The following FUT8 variants were observed in gnomAD, a reference collection of about 807,000 sequenced individuals.
The protein encoded by FUT8 is fucosyltransferase 8.
In FUT8, 29 loss-of-function variants were observed where a neutral mutation model predicts 71.3. The observed-to-expected ratio is 0.41, with a 90% CI of 0.30 to 0.55. The LOEUF (loss-of-function observed/expected upper bound fraction) is 0.55. FUT8 is among the 20% of genes least tolerant of loss of function. FUT8 has a pLI of 0.34. For missense variants in FUT8, 544 were observed against 702.1 expected (o/e 0.77, Z 2.55); for synonymous variants, 254 against 239.3 (o/e 1.06, Z -0.57).
chr14:65,557,612 T>A (rs943359570), intron 2 of FUT8, among the ~76,000 whole-genome samples: 2 of 151,154 alleles, frequency 1.3e-5, no homozygotes, highest in Non-Finnish European at 2.9e-5. Flanking sequence ...ATTACAGGTG[T>A]GAGTCACTGT....
chr14:65,658,325 C>G (rs1891792154), intron 6 of FUT8, among the ~76,000 whole-genome samples: 1 of 152,118 alleles, frequency 6.6e-6, no homozygotes, highest in South Asian at 2.1e-4. Flanking sequence ...CCAGCTCTTT[C>G]ATGCATTGCT....
chr14:65,441,809 TTA>T (rs1566749545), intron 1 of FUT8, among the ~76,000 whole-genome samples: 3 of 151,466 alleles, frequency 2.0e-5, no homozygotes, highest in Non-Finnish European at 2.9e-5. Context: ...TTTTTTTTTT[TTA>T]ATTATACTTT....
Position 65,562,250 on chromosome 14 carries a change from T to C in FUT8, c.203+484T>C, listed in dbSNP as rs3783710. Among the ~76,000 whole-genome samples the C allele has an allele frequency of 8.5e-4, 129 of 152,272 alleles. 2 individuals carry two copies. In the East Asian group the frequency reaches 0.023, roughly 27 times the overall value. ...AGTTATGTATTTAAAAAAATTGATA[T>C]ATTAAATCCAAACTATGTTTTAAAC... On this transcript the variant is annotated intron_variant, in intron 3 of 10. Coordinates refer to ENST00000673929, the MANE Select transcript of FUT8 (RefSeq NM_001371533.1).
intron 7 of FUT8, among the ~76,000 whole-genome samples, chr14:65,677,151 T>TGTGTGCGCGCGCGC: frequency 9.0e-5 from 10 of 110,740 alleles, no homozygotes; most frequent in Admixed American, 1.8e-4. Context: ...TGTGTGTGTG[T>TGTGTGCGCGCGCGC]GCGCGCGCGC....
At chr14:65,732,594 A>C (rs1378275963) in intron 9 of FUT8, among the ~76,000 whole-genome samples, 2 of 152,216 alleles carry the variant, frequency 1.3e-5, no homozygotes, top group Admixed American at 1.3e-4. Flanking sequence ...GACTACCAAA[A>C]TATTACTTGG....
In FUT8 at chr14:65,595,601, T is replaced by TC; in HGVS notation, c.204-20376dup. The stretch of plus-strand genomic sequence containing the variant: ...TGACGATTTATCTTCTACACCATTC[T>TC]CTTTTTTTTTTTTTTTTTTTTTTTT... On this transcript the variant is annotated intron_variant, in intron 3 of 10. Transcript: ENST00000673929. 8.8e-5 allele frequency among the ~76,000 whole-genome samples: 11 copies of TC among 125,256 alleles called. No homozygotes were observed. In the South Asian group the frequency reaches 3.1e-3, roughly 35 times the overall value. The allele number at this position is 125,256 out of a possible 152,430, so 82.2% of individuals were successfully genotyped here. A position where few individuals can be genotyped will look rare whatever the true frequency, so the allele number is the denominator to read the frequency against.
chr14:65,656,388 A>G (rs1891683782), intron 6 of FUT8, among the ~76,000 whole-genome samples: 1 of 152,214 alleles, frequency 6.6e-6, no homozygotes, highest in Non-Finnish European at 1.5e-5. Flanking sequence ...CTCATTTGCA[A>G]TAGCTACAAA....
chr14:65,577,714 T>C (rs528135977), intron 3 of FUT8, among the ~76,000 whole-genome samples: 1 of 152,302 alleles, frequency 6.6e-6, no homozygotes, highest in Non-Finnish European at 1.5e-5. Context: ...GATAAATCAC[T>C]TAACCTCTTT....
chr14:65,365,564 G>A, the FUT8 span, among the ~76,000 whole-genome samples: 2 of 110,096 alleles, frequency 1.8e-5, no homozygotes, highest in Non-Finnish European at 3.7e-5. Flanking sequence ...TGATAAAACA[G>A]GTTGCAGTAA....
At chr14:65,738,758 T>C (rs2034402102) in intron 10 of FUT8, among the ~76,000 whole-genome samples, 1 of 152,138 alleles carries the variant, frequency 6.6e-6, no homozygotes, top group South Asian at 2.1e-4. Context: ...GTAATCTTTT[T>C]AGCCTTTTGC....
chr14:65,406,830 G>C (rs1380568200), upstream of FUT8, among the ~76,000 whole-genome samples: 1 of 152,212 alleles, frequency 6.6e-6, no homozygotes, highest in African/African-American at 2.4e-5. Context: ...GAGCCACAGC[G>C]CCTGGCCTGG....
intron 2 of FUT8, among the ~76,000 whole-genome samples, chr14:65,523,636 G>A (rs1314805021): frequency 1.3e-5 from 2 of 152,226 alleles, no homozygotes; most frequent in African/African-American, 4.8e-5. Context: ...GTTTCAGAAT[G>A]AAGTATTTGC....
chr14:65,606,270 G>A (rs561768963), intron 3 of FUT8, among the ~76,000 whole-genome samples: 1 of 150,858 alleles, frequency 6.6e-6, no homozygotes, highest in Admixed American at 6.6e-5. Flanking sequence ...GTAGAGACGG[G>A]GTTTCACTGT....
intron 9 of FUT8, among the ~76,000 whole-genome samples, chr14:65,729,574 A>G (rs1895865283): frequency 6.7e-6 from 1 of 148,576 alleles, no homozygotes; most frequent in Non-Finnish European, 1.5e-5. Flanking sequence ...GGAGTGCAGT[A>G]GCACAATCTC....
At chr14:65,474,439 C>T (rs1421386150) in intron 2 of FUT8, among the ~76,000 whole-genome samples, 1 of 20,498 alleles carries the variant, frequency 4.9e-5, no homozygotes, top group African/African-American at 2.2e-4. Context: ...CCTGTCTCTA[C>T]TGAAAAAAAA....
At chr14:65,600,499 A>T (rs1310372520) in intron 3 of FUT8, among the ~76,000 whole-genome samples, 1 of 152,232 alleles carries the variant, frequency 6.6e-6, no homozygotes, top group Non-Finnish European at 1.5e-5. Flanking sequence ...TACATTAAAT[A>T]AGTGGTTATA....
At chr14:65,452,538 G>A (rs1259285377) in intron 1 of FUT8, among the ~76,000 whole-genome samples, 3 of 152,234 alleles carry the variant, frequency 2.0e-5, no homozygotes, top group Non-Finnish European at 4.4e-5. Flanking sequence ...CTAGCTGGGA[G>A]ATTGGGGGGC....
intron 7 of FUT8, among the ~76,000 whole-genome samples, chr14:65,709,849 C>T (rs913106900): frequency 1.3e-5 from 2 of 152,178 alleles, no homozygotes; most frequent in African/African-American, 4.8e-5. Context: ...CACTTCTCTT[C>T]TACCATGTAA....
intron 2 of FUT8, among the ~76,000 whole-genome samples, chr14:65,505,942 T>C (rs1004913017): frequency 6.6e-6 from 1 of 152,178 alleles, no homozygotes; most frequent in African/African-American, 2.4e-5. Context: ...AACAAAATTA[T>C]TAATAATTCC....
Sources: allele counts gnomAD v4.1 joint callset (sites outside exome capture counted in the v4.1 genomes callset), GRCh38; gene constraint gnomAD v4.1.1; transcripts MANE v1.5; gene names NCBI Gene and HGNC (gene_info 2026-07-23, HGNC 2026-07-21).